Variants in GNAL observed in about 807,000 individuals in gnomAD.
The protein encoded by GNAL is G protein subunit alpha L.
Under a neutral mutation model 55.1 loss-of-function variants are expected in GNAL, and 18 were observed. That is an observed-to-expected ratio of 0.33 (90% CI 0.23 to 0.48). The LOEUF is 0.48. Among genes scored for constraint, GNAL ranks in the 20% least tolerant of loss-of-function variants. The pLI, the probability that GNAL is intolerant of heterozygous loss-of-function variation, is 0.99. For missense variants in GNAL, 412 were observed against 614.1 expected (o/e 0.67, Z 3.48); for synonymous variants, 253 against 237.0 (o/e 1.07, Z -0.62).
intron 11 of GNAL, among the ~76,000 whole-genome samples, chr18:11,876,940 G>A (rs574393479): frequency 1.3e-5 from 2 of 152,292 alleles, no homozygotes; most frequent in South Asian, 4.1e-4. Context: ...AATGGCACTT[G>A]GATGGGCTAG....
intron 5 of GNAL, among the ~76,000 whole-genome samples, chr18:11,835,886 T>C (rs1399411279): frequency 6.6e-6 from 1 of 152,240 alleles, no homozygotes; most frequent in Non-Finnish European, 1.5e-5. Flanking sequence ...GGCTCACATC[T>C]GTAATCCCAG....
Position 11,769,027 on chromosome 18 carries a change from ATAT to A in GNAL, c.624+15086_624+15088del, listed in dbSNP as rs2033531553. Among the ~76,000 whole-genome samples the A allele has an allele frequency of 2.3e-5, 2 of 87,862 alleles. 1 individual carries two copies. Among genetic ancestry groups the A allele is most frequent in the African/African-American group, 1.8e-4 (2 of 10,912 alleles). 57.6% of individuals were successfully genotyped at this position (87,862 alleles called of 152,430 possible). A position where few individuals can be genotyped will look rare whatever the true frequency, so the allele number is the denominator to read the frequency against. On this transcript the variant is annotated intron_variant, in intron 4 of 11. Coordinates refer to ENST00000334049, the MANE Select transcript of GNAL (RefSeq NM_182978.4). ...GAATATATATATTCTATATTATAAT[ATAT>A]TATATATAATATATAATATATATAA...
chr18:11,822,476 C>T (rs1229968763), intron 4 of GNAL, among the ~76,000 whole-genome samples: 1 of 152,112 alleles, frequency 6.6e-6, no homozygotes, highest in Non-Finnish European at 1.5e-5. Context: ...TGGTGGCACG[C>T]GGCTGTAGTC....
chr18:11,737,735 C>G (rs1330694608), intron 1 of GNAL, among the ~76,000 whole-genome samples: 3 of 152,220 alleles, frequency 2.0e-5, no homozygotes, highest in Non-Finnish European at 4.4e-5. Context: ...CTCTCCAAGC[C>G]CTGTGCTGGG....
intron 1 of GNAL, among the ~76,000 whole-genome samples, chr18:11,735,701 G>A (rs1002016528): frequency 6.6e-6 from 1 of 151,348 alleles, no homozygotes; most frequent in African/African-American, 2.4e-5. Flanking sequence ...TTTGCAGTGA[G>A]CCGAGATTGT....
At chr18:11,808,268 T>C (rs1407350564) in intron 4 of GNAL, among the ~76,000 whole-genome samples, 1 of 152,204 alleles carries the variant, frequency 6.6e-6, no homozygotes, top group East Asian at 1.9e-4. Context: ...GTTTTACTGC[T>C]GTCCCTCTTC....
chr18:11,839,759 A>C (rs1367341319), intron 5 of GNAL, among the ~76,000 whole-genome samples: 3 of 152,184 alleles, frequency 2.0e-5, no homozygotes, highest in African/African-American at 7.2e-5. Context: ...ACTGTGCTAC[A>C]GCACAGCCTC....
At chr18:11,738,614 A>T (rs545150731) in intron 1 of GNAL, among the ~76,000 whole-genome samples, 1 of 151,850 alleles carries the variant, frequency 6.6e-6, no homozygotes, top group African/African-American at 2.4e-5. Flanking sequence ...CACCTAGCTA[A>T]TTTTTTGTAT....
At chr18:11,880,838 C>T in intron 11 of GNAL, 151 bp from the exon 12 acceptor site, 1 of 741,894 alleles carries the variant, frequency 1.3e-6, no homozygotes, top group Non-Finnish European at 2.2e-6. Flanking sequence ...CCGATGCTTG[C>T]ATTGAGACCA....
At chr18:11,825,201 C>CA (rs1568044437) in intron 5 of GNAL, among the ~76,000 whole-genome samples, 186 bp downstream of exon 5, 1 of 152,124 alleles carries the variant, frequency 6.6e-6, no homozygotes, top group African/African-American at 2.4e-5. Context: ...CAGTAAGAAT[C>CA]AATGTTTCTG....
chr18:11,803,704 T>C (rs191813004), intron 4 of GNAL, among the ~76,000 whole-genome samples: 6 of 121,146 alleles, frequency 5.0e-5, no homozygotes, highest in Non-Finnish European at 1.1e-4. Context: ...TGTGTAGCGG[T>C]GAAATACAGG....
chr18:11,697,100 G>T (rs975257149), intron 1 of GNAL, among the ~76,000 whole-genome samples: 1 of 152,194 alleles, frequency 6.6e-6, no homozygotes, highest in Non-Finnish European at 1.5e-5. Context: ...TAATGAGATC[G>T]CACATCCTAG....
Position 11,752,287 on chromosome 18 carries a change from C to G in GNAL, c.377-566C>G, listed in dbSNP as rs2032871094. ...GGGGGAGGGAGAAGAAACGCCTGCT[C>G]TGAATCGGAAAACACCGAAGAGACC... On this transcript the variant is annotated intron_variant, in intron 1 of 11. Coordinates refer to ENST00000334049, the MANE Select transcript of GNAL (RefSeq NM_182978.4). The surrounding 1 kb of genome is among the most constrained non-coding windows in gnomAD (Gnocchi z 4.5). 1 of 1,434,602 alleles carries G rather than the reference C, an allele frequency of 7.0e-7. No homozygotes were observed. Among genetic ancestry groups the G allele is most frequent in the African/African-American group, 1.5e-5 (1 of 67,804 alleles). 88.9% of individuals were successfully genotyped at this position (1,434,602 alleles called of 1,614,324 possible).
rs1723618739 is a variant in GNAL, at chr18:11,751,638, G to T, written c.377-1215G>T. The T allele has an allele frequency of 1.0e-6, 1 of 985,470 alleles. No individual in the cohort carries two copies. The highest frequency in any genetic ancestry group is 1.2e-6 in the Non-Finnish European group (1 of 829,972). The allele number at this position is 985,470 out of a possible 1,614,324, so 61.0% of individuals were successfully genotyped here. On this transcript the variant is annotated intron_variant, in intron 1 of 11. Transcript: ENST00000334049. This position sits in a 1 kb window ranked among gnomAD's most constrained non-coding sequence, Gnocchi z 4.5. ...CCCAGACGCACTTTCCCGGCTCGGG[G>T]TGCAAGAGAGCCAGGCGGCCGCGGC... is the stretch of plus-strand genomic sequence containing the variant.
chr18:11,769,356 G>A (rs925416183), intron 4 of GNAL, among the ~76,000 whole-genome samples: 3 of 151,732 alleles, frequency 2.0e-5, no homozygotes, highest in African/African-American at 4.8e-5. Flanking sequence ...GTTGCACTTC[G>A]TACAGTAGGG....
chr18:11,761,163 C>T (rs529251128), intron 4 of GNAL, among the ~76,000 whole-genome samples: 11 of 152,266 alleles, frequency 7.2e-5, no homozygotes, highest in African/African-American at 2.6e-4. Flanking sequence ...TCTGGATCCA[C>T]GGGGAGTCAG....
intron 1 of GNAL, among the ~76,000 whole-genome samples, chr18:11,734,088 G>T (rs1023408211): frequency 6.6e-6 from 1 of 151,834 alleles, no homozygotes; most frequent in Non-Finnish European, 1.5e-5. Context: ...CCAGAGGCTC[G>T]GTGGTTTCTC....
chr18:11,781,593 C>G (rs1365879441), intron 4 of GNAL, among the ~76,000 whole-genome samples: 1 of 152,148 alleles, frequency 6.6e-6, no homozygotes, highest in East Asian at 1.9e-4. Flanking sequence ...TTAAAAACAT[C>G]ATTTTATATA....
intron 9 of GNAL, among the ~76,000 whole-genome samples, chr18:11,869,669 T>G (rs1479182263): frequency 2.0e-5 from 3 of 152,108 alleles, no homozygotes; most frequent in African/African-American, 7.2e-5. Context: ...TCCCAGCACT[T>G]TGGGAGGCTG....
Sources: allele counts gnomAD v4.1 joint callset (sites outside exome capture counted in the v4.1 genomes callset), GRCh38; gene constraint gnomAD v4.1.1; non-coding constraint Gnocchi (gnomAD v3.1); transcripts MANE v1.5; gene names NCBI Gene and HGNC (gene_info 2026-07-23, HGNC 2026-07-21).